PTPN4: variants seen among roughly 807,000 people sequenced by gnomAD.
The protein encoded by PTPN4 is tyrosine-protein phosphatase non-receptor type 4.
In PTPN4, 49 loss-of-function variants were observed where a neutral mutation model predicts 135.5. That is an observed-to-expected ratio of 0.36 (90% CI 0.29 to 0.46). The LOEUF (loss-of-function observed/expected upper bound fraction) is 0.46, where lower values mean the gene tolerates loss of function less well. Ranked by LOEUF, PTPN4 falls within the 20% of genes least tolerant of loss-of-function variation. PTPN4 has a pLI of 1.00. For synonymous variants in PTPN4, 333 were observed against 369.9 expected (o/e 0.90, Z 1.14); for missense variants, 860 against 1,101.0 (o/e 0.78, Z 3.10).
rs150595219 is a variant in PTPN4, at chr2:119,920,144, G to A, written c.904G>A (p.Val302Ile). ...ATGTAAAAATTTGTGGAAAGCATGTGTAGAACATCACACATTCTTCCGTTT... is the reference window on the plus strand; with the variant it reads ...ATGTAAAAATTTGTGGAAAGCATGTATAGAACATCACACATTCTTCCGTTT... ...RACKNLWKAC[V>I]EHHTFFRLDR... The change falls in exon 12 of 27, where the codon GTA becomes ATA. Residue 302 changes from valine (V) to isoleucine (I), a missense_variant. Transcript: ENST00000263708. The A allele has an allele frequency of 1.2e-6, 2 of 1,613,492 alleles. No homozygotes were observed. Among genetic ancestry groups the A allele is most frequent in the African/African-American group, 1.3e-5 (1 of 74,914 alleles).
intron 2 of PTPN4, among the ~76,000 whole-genome samples, chr2:119,828,003 C>T (rs1174237108): frequency 1.3e-5 from 2 of 152,226 alleles, no homozygotes; most frequent in African/African-American, 2.4e-5. Flanking sequence ...TTAACCCTGA[C>T]AGTAAAGTTA....
intron 2 of PTPN4, among the ~76,000 whole-genome samples, chr2:119,828,017 T>G (rs1255810470): frequency 6.6e-6 from 1 of 152,210 alleles, no homozygotes; most frequent in East Asian, 1.9e-4. Flanking sequence ...AAAGTTACCC[T>G]TTGTGGCTCC....
intron 23 of PTPN4, 99 bp downstream of exon 23, chr2:119,961,052 C>G (rs1361272878): frequency 7.7e-7 from 1 of 1,295,104 alleles, no homozygotes; most frequent in African/African-American, 1.5e-5. Context: ...CCTTTGTAAC[C>G]TTTAATCTTC....
chr2:119,881,687 TTAAA>T (rs1471402175), intron 5 of PTPN4, 95 bp from the exon 6 acceptor site: 2 of 789,622 alleles, frequency 2.5e-6, no homozygotes, highest in Non-Finnish European at 3.9e-6. Context: ...AAGCAAATAT[TTAAA>T]TATGTTTATT....
intron 3 of PTPN4, among the ~76,000 whole-genome samples, chr2:119,864,252 A>G (rs573724341): frequency 6.6e-6 from 1 of 152,270 alleles, no homozygotes; most frequent in South Asian, 2.1e-4. Context: ...CCACATAGCA[A>G]GTAGCTTCAA....
intron 1 of PTPN4, among the ~76,000 whole-genome samples, chr2:119,779,011 CAGAG>C (rs1230140898): frequency 1.3e-5 from 2 of 152,040 alleles, no homozygotes; most frequent in Non-Finnish European, 2.9e-5. Flanking sequence ...TGTGTAAGTA[CAGAG>C]AGAGAAATTT....
At chr2:119,906,281 A>G (rs939999688) in intron 10 of PTPN4, among the ~76,000 whole-genome samples, 4 of 152,214 alleles carry the variant, frequency 2.6e-5, no homozygotes, top group African/African-American at 7.2e-5. Context: ...AGGCAGGAGG[A>G]TCACTTGTGC....
chr2:119,895,648 G>A (rs1313458152), intron 9 of PTPN4, among the ~76,000 whole-genome samples: 1 of 151,934 alleles, frequency 6.6e-6, no homozygotes, highest in Non-Finnish European at 1.5e-5. Flanking sequence ...AAGGCCGGGT[G>A]CAGTGGCTCA....
chr2:119,828,303 C>T (rs1017397515), intron 2 of PTPN4, among the ~76,000 whole-genome samples: 14 of 152,272 alleles, frequency 9.2e-5, no homozygotes, highest in Admixed American at 2.6e-4. Flanking sequence ...AAGTGAGAAC[C>T]GCCATGTGGG....
At chr2:119,834,161 C>G (rs187461677) in intron 2 of PTPN4, among the ~76,000 whole-genome samples, 7 of 152,250 alleles carry the variant, frequency 4.6e-5, no homozygotes, top group Admixed American at 3.3e-4. Flanking sequence ...TTTATCATTT[C>G]TATGTGCTGG....
rs138651336 is a variant in PTPN4, at chr2:119,806,980, G to A, written c.-17-2857G>A. ...GAACAACCTGCTTCTGAATGACTAC[G>A]GGGTAAATAACAAAATTAAGGTAGA... On this transcript the variant is annotated intron_variant, in intron 1 of 26. Transcript: ENST00000263708. Among the ~76,000 whole-genome samples the A allele has an allele frequency of 1.1e-3, 166 of 152,118 alleles. 1 individual carries two copies. Among genetic ancestry groups the A allele is most frequent in the Non-Finnish European group, 1.3e-3 (86 of 67,974 alleles).
At chr2:119,904,797 A>C (rs1678460935) in intron 10 of PTPN4, among the ~76,000 whole-genome samples, 1 of 152,182 alleles carries the variant, frequency 6.6e-6, no homozygotes, top group South Asian at 2.1e-4. Flanking sequence ...CACCCAAGCA[A>C]ATCTACCCTT....
At chr2:119,916,675 T>G (rs1678657725) in intron 11 of PTPN4, 1 of 152,212 alleles carries the variant, frequency 6.6e-6, no homozygotes, top group Non-Finnish European at 1.5e-5. Flanking sequence ...CTTCCAGTCA[T>G]TAAGCCTCCT....
intron 3 of PTPN4, among the ~76,000 whole-genome samples, chr2:119,868,644 G>A (rs1314751700): frequency 3.3e-5 from 5 of 152,236 alleles, no homozygotes; most frequent in Non-Finnish European, 4.4e-5. Context: ...GCATTCTTAA[G>A]TCACAAACAA....
intron 1 of PTPN4, among the ~76,000 whole-genome samples, chr2:119,794,109 A>G (rs1691208444): frequency 6.6e-6 from 1 of 151,734 alleles, no homozygotes; most frequent in Non-Finnish European, 1.5e-5. Flanking sequence ...CAGCCTCCCA[A>G]AGTGCTGGTA....
chr2:119,905,035 CA>C (rs35974878), intron 10 of PTPN4, among the ~76,000 whole-genome samples: 36,227 of 96,398 alleles, frequency 0.38, 4,231 homozygotes, highest in South Asian at 0.44. Flanking sequence ...GTTATTACTA[CA>C]AAAAAAAAAA....
intron 8 of PTPN4, among the ~76,000 whole-genome samples, chr2:119,883,078 AGAGTTT>A (rs1288383525): frequency 2.0e-5 from 3 of 152,162 alleles, no homozygotes; most frequent in Admixed American, 6.5e-5. Flanking sequence ...CCTTAACCCA[AGAGTTT>A]GAAATTCAGA....
At chr2:119,766,440 A>G (rs1444951288) in intron 1 of PTPN4, among the ~76,000 whole-genome samples, 14 of 87,398 alleles carry the variant, frequency 1.6e-4, no homozygotes, top group African/African-American at 6.9e-4. Context: ...GTGTATGCGC[A>G]TGTGCGCGCG....
chr2:119,925,480 A>T (rs1367487033), intron 12 of PTPN4, among the ~76,000 whole-genome samples: 3 of 146,108 alleles, frequency 2.1e-5, no homozygotes, highest in Admixed American at 2.0e-4. Context: ...TTTAATCATC[A>T]AAGTGGTTAG....
Sources: allele counts gnomAD v4.1 joint callset (sites outside exome capture counted in the v4.1 genomes callset), GRCh38; gene constraint gnomAD v4.1.1; transcripts MANE v1.5; gene names NCBI Gene and HGNC (gene_info 2026-07-23, HGNC 2026-07-21).